OPA1: variants seen among roughly 807,000 people sequenced by gnomAD.
OPA1 encodes the protein OPA1 mitochondrial dynamin like GTPase, also known as dynamin-like GTPase OPA1, mitochondrial.
Under a neutral mutation model 152.9 loss-of-function variants are expected in OPA1, and 59 were observed. That is an observed-to-expected ratio of 0.39 (90% CI 0.31 to 0.48). The LOEUF (loss-of-function observed/expected upper bound fraction) is 0.48, where lower values mean the gene tolerates loss of function less well. Ranked by LOEUF, OPA1 falls within the 20% of genes least tolerant of loss-of-function variation. The pLI is 0.96. For missense variants in OPA1, 1,008 were observed against 1,216.8 expected, an observed-to-expected ratio of 0.83 and a Z score of 2.55; for synonymous variants, 400 against 389.9, an observed-to-expected ratio of 1.03 and a Z score of -0.31.
chr3:193,613,489 G>A (rs763623719), intron 1 of OPA1, among the ~76,000 whole-genome samples: 25 of 152,044 alleles, frequency 1.6e-4, no homozygotes, highest in Non-Finnish European at 1.8e-4. Context: ...AAGAGATACC[G>A]CTTTTCCCAT....
rs1722210945 is a variant in OPA1, at chr3:193,695,874, C to G, written c.*1274C>G. On this transcript the variant is annotated 3_prime_UTR_variant, in exon 31 of 31. Transcript: ENST00000361510. Reference sequence around the variant, plus strand: ...ACATCAATGCATGCTTCGTTGTGATCCCTCAAGATGTAACACTTGGTATGC... The same window carrying G: ...ACATCAATGCATGCTTCGTTGTGATGCCTCAAGATGTAACACTTGGTATGC... 6.6e-6 allele frequency: 1 copy of G among 152,164 alleles called. No individual in the cohort carries two copies. The highest frequency in any genetic ancestry group is 1.5e-5 in the Non-Finnish European group (1 of 68,024). 9.4% of individuals were successfully genotyped at this position (152,164 alleles called of 1,614,324 possible).
chr3:193,642,681 G>C (rs1674061789), intron 11 of OPA1, 84 bp from the exon 12 acceptor site: 1 of 1,007,862 alleles, frequency 9.9e-7, no homozygotes, highest in Admixed American at 1.7e-5. Context: ...CAATGCAGTA[G>C]CCCTGTCTAG....
chr3:193,674,744 C>G (rs1231348095), intron 29 of OPA1, among the ~76,000 whole-genome samples: 1 of 152,200 alleles, frequency 6.6e-6, no homozygotes, highest in Non-Finnish European at 1.5e-5. Flanking sequence ...CGACACTTCT[C>G]CCATACCTGC....
At chr3:193,636,717 C>T (rs1363551994) in intron 9 of OPA1, among the ~76,000 whole-genome samples, 3 of 152,296 alleles carry the variant, frequency 2.0e-5, no homozygotes, top group African/African-American at 7.2e-5. Flanking sequence ...ACCACCCTTA[C>T]TGGTTTAACA....
chr3:193,593,482 C>G, intron 1 of OPA1, 73 bp downstream of exon 1: 1 of 1,386,254 alleles, frequency 7.2e-7, no homozygotes, highest in Non-Finnish European at 9.6e-7. Flanking sequence ...ATCTCTATCT[C>G]CAAAAATGTG....
At chr3:193,687,040 G>T (rs1721023585) in intron 29 of OPA1, among the ~76,000 whole-genome samples, 1 of 152,184 alleles carries the variant, frequency 6.6e-6, no homozygotes, top group African/African-American at 2.4e-5. Flanking sequence ...CTTCTCCCGG[G>T]TTTGGCCTTT....
Position 193,626,588 on chromosome 3 carries a change from A to G in OPA1, c.789+386A>G, listed in dbSNP as rs1239305527. ...AAAATGAAAAGCATTGCTGTAGATG[A>G]CCAGTTTACACTAAAGAATAACATT... On this transcript the variant is annotated intron_variant, in intron 7 of 30. Coordinates refer to ENST00000361510, the MANE Select transcript of OPA1 (RefSeq NM_130837.3). 2.0e-5 allele frequency among the ~76,000 whole-genome samples: 3 copies of G among 152,320 alleles called. No individual in the cohort carries two copies. The East Asian group carries it at 5.8e-4, about 29-fold the overall frequency.
rs191350760 is a variant in OPA1, at chr3:193,683,837, C to T, written c.2984-8226C>T. 3.3e-5 allele frequency among the ~76,000 whole-genome samples: 5 copies of T among 152,236 alleles called. No homozygotes were observed. The East Asian group carries it at 7.7e-4, about 23-fold the overall frequency. ...CAGTATACTGTAAACGTAACTTAAA[C>T]GCACCGGAAAACCAAAAAACCTTAT... On this transcript the variant is annotated intron_variant, in intron 29 of 30. Coordinates refer to ENST00000361510, the MANE Select transcript of OPA1 (RefSeq NM_130837.3).
chr3:193,653,108 G>T (rs1712930190), intron 21 of OPA1, among the ~76,000 whole-genome samples: 1 of 152,134 alleles, frequency 6.6e-6, no homozygotes, highest in South Asian at 2.1e-4. Flanking sequence ...GCCCTGACAG[G>T]CTGCTTTTCT....
intron 22 of OPA1, among the ~76,000 whole-genome samples, chr3:193,656,466 C>T (rs377136034): frequency 2.5e-4 from 38 of 152,286 alleles, no homozygotes; most frequent in African/African-American, 8.9e-4. Flanking sequence ...CCGTTCAGAT[C>T]ATTAGGAGTT....
intron 23 of OPA1, among the ~76,000 whole-genome samples, chr3:193,658,115 C>G (rs1714311183): frequency 6.6e-6 from 1 of 151,876 alleles, no homozygotes; most frequent in Admixed American, 6.6e-5. Context: ...CATGGTGGTG[C>G]ATGCCTGTAA....
At chr3:193,676,979 CAAAAA>C (rs151218523) in intron 29 of OPA1, among the ~76,000 whole-genome samples, 6 of 70,834 alleles carry the variant, frequency 8.5e-5, no homozygotes, top group African/African-American at 2.3e-4. Flanking sequence ...AGACTCGTCT[CAAAAA>C]AAAAAAAAAA....
intron 13 of OPA1, 58 bp from the exon 14 acceptor site, chr3:193,643,315 T>A (rs946120099): frequency 5.1e-5 from 71 of 1,405,128 alleles, no homozygotes; most frequent in Non-Finnish European, 7.0e-5. Context: ...CCAAAAAAAA[T>A]TCTTGACAAA....
intron 29 of OPA1, chr3:193,668,636 A>G: frequency 6.6e-7 from 1 of 1,521,780 alleles, no homozygotes; most frequent in Non-Finnish European, 8.9e-7. Context: ...CCTCCTGCAC[A>G]GATACTCTCC....
rs190158523 is a variant in OPA1, at chr3:193,623,104, C to T, written c.679-2988C>T. Among the ~76,000 whole-genome samples the T allele has an allele frequency of 4.5e-4, 69 of 152,250 alleles. No individual in the cohort carries two copies. In the East Asian group the frequency reaches 6.6e-3, roughly 14 times the overall value. On this transcript the variant is annotated intron_variant, in intron 6 of 30. Transcript: ENST00000361510. ...TCCAAGTTCAAGACACTGGCAGATT[C>T]GATGTCTTTTGAGGACCCTTGGCTT...
intron 6 of OPA1, among the ~76,000 whole-genome samples, chr3:193,625,430 A>G (rs967666243): frequency 6.6e-6 from 1 of 152,242 alleles, no homozygotes; most frequent in African/African-American, 2.4e-5. Flanking sequence ...TAATGTTGTC[A>G]AAACAGCTCA....
rs1729518334 is a variant in OPA1, at chr3:193,618,892, A to G, written c.634A>G (p.Arg212Gly). 1 of 1,613,996 alleles carries G rather than the reference A, an allele frequency of 6.2e-7. No homozygotes were observed. Among genetic ancestry groups the G allele is most frequent in the Admixed American group, 1.7e-5 (1 of 60,032 alleles). The change falls in exon 6 of 31, where the codon AGA becomes GGA. Residue 212 changes from arginine to glycine, a missense_variant. By Grantham distance (125) the Arg-to-Gly change is moderately radical (BLOSUM62 -2). Transcript: ENST00000361510. ...LLGSPEETAF[R>G]ATDRGSESDK... is the part of the protein sequence containing the mutation. ...AGGTTCTCCGGAAGAAACGGCGTTT[A>G]GAGCAACAGATCGTGGATCTGAAAG...
chr3:193,616,059 A>G (rs756292482), intron 3 of OPA1, among the ~76,000 whole-genome samples: 3 of 152,206 alleles, frequency 2.0e-5, no homozygotes, highest in Non-Finnish European at 4.4e-5. Flanking sequence ...TCTGTCACTC[A>G]GGCTGAAGTG....
Position 193,635,537 on chromosome 3 carries a change from T to C in OPA1, c.948+15T>C. 1 of 1,468,996 alleles carries C rather than the reference T, an allele frequency of 6.8e-7. No homozygotes were observed. The highest frequency in any genetic ancestry group is 9.5e-7 in the Non-Finnish European group (1 of 1,048,146). The allele number at this position is 1,468,996 out of a possible 1,614,324, so 91.0% of individuals were successfully genotyped here. On this transcript the variant is annotated intron_variant, in intron 9 of 30. Transcript: ENST00000361510. The stretch of plus-strand genomic sequence containing the variant: ...GAAAGCTTAAGGTATTCTAAGTTTG[T>C]CTTGTTTATTCTCAAAATTTTACCG...
Sources: allele counts gnomAD v4.1 joint callset (sites outside exome capture counted in the v4.1 genomes callset), GRCh38; gene constraint gnomAD v4.1.1; transcripts MANE v1.5; gene names NCBI Gene and HGNC (gene_info 2026-07-23, HGNC 2026-07-21).